RALYL: variants seen among roughly 807,000 people sequenced by gnomAD.
The protein encoded by RALYL is RALY RNA binding protein like.
RALYL carries 29 observed loss-of-function variants against 35.1 expected under a neutral mutation model. That is an observed-to-expected ratio of 0.83 (90% CI 0.61 to 1.13). The LOEUF (loss-of-function observed/expected upper bound fraction) is 1.13, where lower values mean the gene tolerates loss of function less well. RALYL is among the 50% of genes most tolerant of loss of function. The pLI is 0.00. For synonymous variants in RALYL, 120 were observed against 127.6 expected (o/e 0.94, Z 0.40); for missense variants, 359 against 360.4 (o/e 1.00, Z 0.03).
chr8:84,874,148 G>A (rs765702208), intron 7 of RALYL, among the ~76,000 whole-genome samples: 21 of 152,224 alleles, frequency 1.4e-4, no homozygotes, highest in East Asian at 3.9e-4. Flanking sequence ...GAAGAGACCC[G>A]GTAGGTAGAC....
At chr8:84,711,349 T>C (rs373701590) in intron 2 of RALYL, among the ~76,000 whole-genome samples, 16 of 152,296 alleles carry the variant, frequency 1.1e-4, no homozygotes, top group South Asian at 1.0e-3. Flanking sequence ...GTGCAATAAT[T>C]TTTAAATGAC....
At chr8:84,782,638 T>G (rs1182908870) in intron 3 of RALYL, among the ~76,000 whole-genome samples, 1 of 152,222 alleles carries the variant, frequency 6.6e-6, no homozygotes, top group Non-Finnish European at 1.5e-5. Context: ...GGACTCACAT[T>G]ATGATCTTTT....
chr8:84,268,759 A>G (rs1356669924), intron 1 of RALYL, among the ~76,000 whole-genome samples: 1 of 152,166 alleles, frequency 6.6e-6, no homozygotes, highest in African/African-American at 2.4e-5. Context: ...AATAGCTGCC[A>G]TGTGCTGTAG....
At chr8:84,500,835 T>A (rs2056572176) in intron 1 of RALYL, among the ~76,000 whole-genome samples, 1 of 152,172 alleles carries the variant, frequency 6.6e-6, no homozygotes, top group African/African-American at 2.4e-5. Context: ...CCCCGCTGAG[T>A]AGATTTTGAA....
At chr8:84,747,873 G>A (rs966375520) in intron 2 of RALYL, among the ~76,000 whole-genome samples, 5 of 151,820 alleles carry the variant, frequency 3.3e-5, no homozygotes, top group African/African-American at 1.2e-4. Flanking sequence ...AAAATAACCT[G>A]GGACCTTACA....
chr8:84,542,106 C>A (rs1015211839), intron 2 of RALYL, among the ~76,000 whole-genome samples: 6 of 151,920 alleles, frequency 3.9e-5, no homozygotes, highest in African/African-American at 1.5e-4. Context: ...ACTGCATGTT[C>A]ATTTGTGGCC....
intron 2 of RALYL, among the ~76,000 whole-genome samples, chr8:84,745,098 C>T (rs190487308): frequency 8.6e-5 from 13 of 151,670 alleles, no homozygotes; most frequent in African/African-American, 3.1e-4. Flanking sequence ...CATACACACA[C>T]ATCTGAGTAT....
At chr8:84,541,992 G>A (rs2060045162) in intron 2 of RALYL, among the ~76,000 whole-genome samples, 1 of 151,862 alleles carries the variant, frequency 6.6e-6, no homozygotes, top group African/African-American at 2.4e-5. Context: ...AAATACAGTA[G>A]GACAACCTTT....
At chr8:84,872,853 G>C (rs1032770369) in intron 6 of RALYL, 1 of 152,796 alleles carries the variant, frequency 6.5e-6, no homozygotes, top group African/African-American at 2.4e-5. Context: ...AATCTTCAAG[G>C]AGCTGGATTA....
At chr8:84,665,953 A>G (rs372542015) in intron 2 of RALYL, 8 of 152,056 alleles carry the variant, frequency 5.3e-5, no homozygotes, top group African/African-American at 1.7e-4. Context: ...AAATCTGTCA[A>G]CAAAGAATAA....
intron 2 of RALYL, among the ~76,000 whole-genome samples, chr8:84,637,519 A>G (rs574739716): frequency 6.6e-6 from 1 of 151,988 alleles, no homozygotes; most frequent in African/African-American, 2.4e-5. Context: ...GTAGAAAGAA[A>G]GTGACTTTAT....
chr8:84,887,595 C>G lies in RALYL; in HGVS notation c.686-9C>G, dbSNP rs770997674. 35 of 1,597,358 alleles carry G rather than the reference C, an allele frequency of 2.2e-5. No individual in the cohort carries two copies. Among genetic ancestry groups the G allele is most frequent in the Admixed American group, 1.6e-4 (9 of 56,780 alleles). On this transcript the variant is annotated splice_polypyrimidine_tract_variant and intron_variant, in intron 7 of 8. Transcript: ENST00000521268. ...AAGGTAGTAGTCATTTGCTTTCTCCCCCCCCCAGAAGCTCAGAAGAAGCAA... is the reference window on the plus strand; with the variant it reads ...AAGGTAGTAGTCATTTGCTTTCTCCGCCCCCCAGAAGCTCAGAAGAAGCAA...
At chr8:84,220,301 A>T (rs910669205) in intron 1 of RALYL, among the ~76,000 whole-genome samples, 28 of 152,186 alleles carry the variant, frequency 1.8e-4, no homozygotes, top group African/African-American at 6.3e-4. Flanking sequence ...TCATATATGT[A>T]AGCATATATT....
At chr8:84,415,534 G>A (rs534506308) in intron 1 of RALYL, among the ~76,000 whole-genome samples, 16 of 116,660 alleles carry the variant, frequency 1.4e-4, no homozygotes, top group African/African-American at 2.3e-4. Context: ...CACCGCGCCC[G>A]GCCGACACTC....
intron 1 of RALYL, among the ~76,000 whole-genome samples, chr8:84,433,908 C>T (rs1245349854): frequency 1.3e-5 from 2 of 151,672 alleles, no homozygotes; most frequent in African/African-American, 4.8e-5. Flanking sequence ...AAATTTCAGT[C>T]TCTGGCATTC....
chr8:84,436,566 T>G (rs1334402859), intron 1 of RALYL, among the ~76,000 whole-genome samples: 2 of 148,330 alleles, frequency 1.3e-5, no homozygotes, highest in African/African-American at 5.0e-5. Context: ...TTTTTTTTTT[T>G]TTTTTGAAGT....
At chr8:84,892,689 C>G (rs1319313728) in intron 8 of RALYL, among the ~76,000 whole-genome samples, 1 of 148,784 alleles carries the variant, frequency 6.7e-6, no homozygotes, top group Non-Finnish European at 1.5e-5. Flanking sequence ...TACCCTAAAA[C>G]TTAAAGTATA....
chr8:84,796,668 T>C (rs1821983946), intron 3 of RALYL, among the ~76,000 whole-genome samples: 1 of 152,220 alleles, frequency 6.6e-6, no homozygotes, highest in African/African-American at 2.4e-5. Flanking sequence ...AAATGTCATA[T>C]GGATGTGTTT....
chr8:84,903,270 G>A (rs1490820880), intron 8 of RALYL, among the ~76,000 whole-genome samples: 1 of 152,072 alleles, frequency 6.6e-6, no homozygotes, highest in Non-Finnish European at 1.5e-5. Context: ...TCATTTATAT[G>A]GGAATACTAA....
Sources: allele counts gnomAD v4.1 joint callset (sites outside exome capture counted in the v4.1 genomes callset), GRCh38; gene constraint gnomAD v4.1.1; transcripts MANE v1.5; gene names NCBI Gene and HGNC (gene_info 2026-07-23, HGNC 2026-07-21).